FAP: variants seen among roughly 807,000 people sequenced by gnomAD.
The protein encoded by FAP is prolyl endopeptidase FAP.
A neutral mutation model predicts 126.5 loss-of-function variants in FAP; 110 were observed. That is an observed-to-expected ratio of 0.87 (90% CI 0.74 to 1.02). The LOEUF is 1.02. FAP is among the 50% of genes least tolerant of loss of function. The probability of loss-of-function intolerance (pLI) is 0.00; values close to 1 mark genes in which losing one functional copy is unlikely to be tolerated. For synonymous variants in FAP, 334 were observed against 297.3 expected (o/e 1.12, Z -1.27); for missense variants, 919 against 909.2 (o/e 1.01, Z -0.14).
chr2:162,243,417 T>C lies in FAP; in HGVS notation c.-90A>G. 5 of 1,525,340 alleles carry C rather than the reference T, an allele frequency of 3.3e-6. No homozygotes were observed. The highest frequency in any genetic ancestry group is 2.3e-5 in the Admixed American group (1 of 43,276). 94.5% of individuals were successfully genotyped at this position (1,525,340 alleles called of 1,614,324 possible). A position where few individuals can be genotyped will look rare whatever the true frequency, so the allele number is the denominator to read the frequency against. On this transcript the variant is annotated 5_prime_UTR_variant, in exon 1 of 26. Coordinates refer to ENST00000188790, the MANE Select transcript of FAP (RefSeq NM_004460.5). ...AAACCGTTGAAAAGGACCAAGTCTG[T>C]CTTTGTAGTTGGAAGCTGAAGCCAG...
rs567273998 is a variant in FAP, at chr2:162,170,983, T to A, written c.2279A>T (p.Asp760Val). The change falls in exon 26 of 26, where the codon GAC (aspartate) becomes GTC (valine). Residue 760 changes from aspartate (D) to valine (V), a missense_variant. Asp to Val is a radical substitution (Grantham distance 152). Transcript: ENST00000188790. ...AGGCTTGCATCTGCATCGTTTTTAG[T>A]CTGACAAAGAGAAACACTGCTTTAG... The part of the protein sequence containing the change: ...HFLKQCFSLS[D>V] 6.2e-7 allele frequency: 1 copy of A among 1,612,432 alleles called. No individual in the cohort carries two copies.
At chr2:162,205,957 G>A (rs1305808504) in intron 12 of FAP, among the ~76,000 whole-genome samples, 2 of 151,928 alleles carry the variant, frequency 1.3e-5, no homozygotes, top group Non-Finnish European at 2.9e-5. Context: ...GTTAGATAAG[G>A]GACTTTTTAA....
intron 17 of FAP, 45 bp from the exon 18 acceptor site, chr2:162,189,799 A>G (rs1471799840): frequency 8.5e-7 from 1 of 1,175,112 alleles, no homozygotes; most frequent in African/African-American, 1.6e-5. Flanking sequence ...GTATTTCCAT[A>G]AACAATTTTT....
At chr2:162,207,592 T>A (rs7420062) in intron 12 of FAP, among the ~76,000 whole-genome samples, 55 of 152,276 alleles carry the variant, frequency 3.6e-4, no homozygotes, top group Middle Eastern at 3.4e-3. Flanking sequence ...GGTATTTTTT[T>A]AAAAAAGTTC....
chr2:162,228,780 T>C (rs971141605), intron 2 of FAP, among the ~76,000 whole-genome samples: 1 of 152,206 alleles, frequency 6.6e-6, no homozygotes, highest in African/African-American at 2.4e-5. Flanking sequence ...GACCATTTAC[T>C]ACAATAGCAT....
chr2:162,176,796 C>G (rs942658870), intron 21 of FAP: 1 of 152,040 alleles, frequency 6.6e-6, no homozygotes, highest in Non-Finnish European at 1.5e-5. Context: ...AAAATAAAAG[C>G]CTTTGTATAT....
chr2:162,189,808 T>TAAGGAAAAAAATTG, intron 17 of FAP, 54 bp from the exon 18 acceptor site: 1 of 1,091,228 alleles, frequency 9.2e-7, no homozygotes, highest in Non-Finnish European at 1.3e-6. Context: ...TAAACAATTT[T>TAAGGAAAAAAATTG]TTTCCTTAAA....
At position 162,231,476 on chromosome 2, in the gene FAP, A is replaced by G. The variant is rs538793368; in HGVS notation, c.92-4855T>C. Among the ~76,000 whole-genome samples, 3 of 152,320 alleles carry G rather than the reference A, an allele frequency of 2.0e-5. No homozygotes were observed. The South Asian group carries it at 6.2e-4, about 32-fold the overall frequency. On this transcript the variant is annotated intron_variant, in intron 2 of 25. Transcript: ENST00000188790. ...CTGAAAGCATATCTCTCCTCTGTAT[A>G]TGTTAACACTTACTTGATTAGCTCT...
At chr2:162,241,279 A>G (rs1251150674) in intron 2 of FAP, among the ~76,000 whole-genome samples, 1 of 152,222 alleles carries the variant, frequency 6.6e-6, no homozygotes, top group Non-Finnish European at 1.5e-5. Flanking sequence ...TATAAATTAC[A>G]TAGGACTTTT....
At chr2:162,171,142 C>G (rs940186778) in intron 25 of FAP, 62 bp from the exon 26 acceptor site, 40 of 1,276,632 alleles carry the variant, frequency 3.1e-5, no homozygotes, top group Non-Finnish European at 4.5e-5. Context: ...TTAGCTTGGA[C>G]TTTTTTGTGC....
chr2:162,191,588 A>G (rs1287100812), intron 17 of FAP, among the ~76,000 whole-genome samples: 1 of 152,134 alleles, frequency 6.6e-6, no homozygotes, highest in Admixed American at 6.6e-5. Flanking sequence ...ATGTATTTGT[A>G]GGCTCTTCAT....
At position 162,214,218 on chromosome 2, in the gene FAP, C is replaced by T. The variant is rs1216865684; in HGVS notation, c.867-145G>A. ...TAAGCAAGACAAAACATTCCTTTCT[C>T]TGGAGAGAAAGTTTAAATATCTCTA... is the stretch of plus-strand genomic sequence containing the variant. On this transcript the variant is annotated intron_variant, in intron 10 of 25. Coordinates refer to ENST00000188790, the MANE Select transcript of FAP (RefSeq NM_004460.5). 3 of 599,282 alleles carry T rather than the reference C, an allele frequency of 5.0e-6. No homozygotes were observed. The East Asian group carries it at 9.4e-5, about 19-fold the overall frequency. The allele number at this position is 599,282 out of a possible 1,614,324, so 37.1% of individuals were successfully genotyped here.
At chr2:162,233,281 G>A (rs920334370) in intron 2 of FAP, among the ~76,000 whole-genome samples, 1 of 152,026 alleles carries the variant, frequency 6.6e-6, no homozygotes, top group African/African-American at 2.4e-5. Flanking sequence ...ACATTTTGGT[G>A]TGATCCTTGA....
chr2:162,218,354 A>C (rs1025242926), intron 8 of FAP, among the ~76,000 whole-genome samples: 2 of 152,172 alleles, frequency 1.3e-5, no homozygotes, highest in African/African-American at 2.4e-5. Context: ...CCTTGTTAGA[A>C]AATGACATTA....
intron 17 of FAP, chr2:162,194,047 T>G (rs938428204): frequency 1.3e-5 from 2 of 152,152 alleles, no homozygotes; most frequent in African/African-American, 4.8e-5. Context: ...GCAAAACTGG[T>G]CGTCTTTGAG....
intron 21 of FAP, among the ~76,000 whole-genome samples, chr2:162,181,084 G>T (rs1687681476): frequency 6.6e-6 from 1 of 152,094 alleles, no homozygotes; most frequent in African/African-American, 2.4e-5. Flanking sequence ...AGACCAGCCT[G>T]GGCAACATGA....
chr2:162,186,039 C>T (rs922769440), intron 20 of FAP, among the ~76,000 whole-genome samples: 3 of 152,114 alleles, frequency 2.0e-5, no homozygotes, highest in African/African-American at 7.2e-5. Context: ...GGCCACGCAG[C>T]TGCCCATATT....
chr2:162,198,853 T>C lies in FAP; in HGVS notation c.1306A>G (p.Lys436Glu), dbSNP rs1198538019. 8 of 1,613,842 alleles carry C rather than the reference T, an allele frequency of 5.0e-6. No individual in the cohort carries two copies. Among genetic ancestry groups the C allele is most frequent in the Non-Finnish European group, 6.8e-6 (8 of 1,179,842 alleles). Residue 436 changes from lysine to glutamate, a missense_variant, in exon 16 of 26, where the codon AAG becomes GAG. Physicochemically the swap from Lys to Glu is moderately conservative, Grantham distance 56 (BLOSUM62 1). Coordinates refer to ENST00000188790, the MANE Select transcript of FAP (RefSeq NM_004460.5). ...CTTAGATGGCAAGTAACACACTTCTTGCTTGGAGGATAGCTTCCAATGCTA... is the reference window on the plus strand; with the variant it reads ...CTTAGATGGCAAGTAACACACTTCTCGCTTGGAGGATAGCTTCCAATGCTA... Reference protein sequence around the residue: ...RISIGSYPPSKKCVTCHLRKE... With the variant: ...RISIGSYPPSEKCVTCHLRKE...
intron 2 of FAP, among the ~76,000 whole-genome samples, chr2:162,240,721 A>G (rs934376324): frequency 6.6e-6 from 1 of 152,240 alleles, no homozygotes; most frequent in African/African-American, 2.4e-5. Context: ...CCTAAGGCAA[A>G]TGTGAAGTAA....
Sources: gnomAD v4.1 joint callset for allele counts (sites outside exome capture counted in the v4.1 genomes callset) on GRCh38, gnomAD v4.1.1 for gene constraint, MANE v1.5 for transcripts, NCBI Gene and HGNC (gene_info 2026-07-23, HGNC 2026-07-21) for gene names.